Variants in NDUFS6 observed in about 807,000 individuals in gnomAD.
The protein encoded by NDUFS6 is NADH:ubiquinone oxidoreductase subunit S6.
In NDUFS6, 14 loss-of-function variants were observed where a neutral mutation model predicts 13.2. That is an observed-to-expected ratio of 1.06 (90% CI 0.70 to 1.66). NDUFS6 has a LOEUF of 1.66. Ranked by LOEUF, NDUFS6 falls within the 40% of genes most tolerant of loss-of-function variation. The pLI, the probability that NDUFS6 is intolerant of heterozygous loss-of-function variation, is 0.00. For missense variants in NDUFS6, 206 were observed against 170.8 expected, an observed-to-expected ratio of 1.21 and a Z score of -1.15; for synonymous variants, 95 against 72.3, an observed-to-expected ratio of 1.31 and a Z score of -1.60.
At chr5:1,807,367 G>A (rs193199272) in intron 2 of NDUFS6, among the ~76,000 whole-genome samples, 44 of 152,282 alleles carry the variant, frequency 2.9e-4, no homozygotes, top group African/African-American at 1.1e-3. Flanking sequence ...TGGTGGTGAT[G>A]GTTGCACAAT....
chr5:1,809,097 G>T (rs376686629), intron 2 of NDUFS6, among the ~76,000 whole-genome samples: 186 of 152,252 alleles, frequency 1.2e-3, no homozygotes, highest in African/African-American at 4.1e-3. Context: ...GACTCCTAAA[G>T]ATTTAAACCT....
rs148259176 is a variant in NDUFS6, at chr5:1,809,828, C to A, written c.187-4511C>A. Among the ~76,000 whole-genome samples the A allele has an allele frequency of 3.4e-3, 512 of 152,362 alleles. 1 individual carries two copies. Among genetic ancestry groups the A allele is most frequent in the African/African-American group, 0.012 (489 of 41,594 alleles). On this transcript the variant is annotated intron_variant, in intron 2 of 3. Coordinates refer to ENST00000274137, the MANE Select transcript of NDUFS6 (RefSeq NM_004553.6). ...CAGAGCCCTCTGTAAGGCGCTGCGA[C>A]AAGGCGAGCCGCCGGGCCGGCAGCA...
chr5:1,811,279 G>C (rs922196542), intron 2 of NDUFS6, among the ~76,000 whole-genome samples: 1 of 152,056 alleles, frequency 6.6e-6, no homozygotes, highest in African/African-American at 2.4e-5. Context: ...GTTGGGGGTG[G>C]TTCCCCCAAC....
At chr5:1,805,691 T>A (rs1734111989) in intron 2 of NDUFS6, among the ~76,000 whole-genome samples, 1 of 152,258 alleles carries the variant, frequency 6.6e-6, no homozygotes, top group Non-Finnish European at 1.5e-5. Flanking sequence ...ATATTTTCAT[T>A]GCTTTATAGT....
intron 2 of NDUFS6, among the ~76,000 whole-genome samples, chr5:1,813,822 C>T (rs116509376): frequency 0.011 from 1,641 of 152,296 alleles, 35 homozygotes; most frequent in African/African-American, 0.037. Context: ...AGGGGAAAGC[C>T]GGAAGGACAT....
At chr5:1,810,403 C>T (rs1358713792) in intron 2 of NDUFS6, among the ~76,000 whole-genome samples, 3 of 152,186 alleles carry the variant, frequency 2.0e-5, no homozygotes, top group Non-Finnish European at 4.4e-5. Context: ...CTTCCCATAG[C>T]TTCCCGGTTC....
intron 2 of NDUFS6, among the ~76,000 whole-genome samples, chr5:1,807,203 C>CTCAGAGGTACCGCGTGAGGT (rs1270445424): frequency 3.7e-4 from 3 of 8,162 alleles, no homozygotes; most frequent in African/African-American, 9.8e-4. Context: ...ACTGTGTGAA[C>CTCAGAGGTACCGCGTGAGGT]ACTGTGTGAT....
intron 2 of NDUFS6, among the ~76,000 whole-genome samples, chr5:1,808,260 G>A (rs1390465126): frequency 1.3e-5 from 2 of 152,188 alleles, no homozygotes; most frequent in East Asian, 3.9e-4. Context: ...TGCGATGTGC[G>A]CCATGGCTGC....
At position 1,814,243 on chromosome 5, in the gene NDUFS6, G is replaced by T. The variant is rs569492993; in HGVS notation, c.187-96G>T. 1 of 1,532,906 alleles carries T rather than the reference G, an allele frequency of 6.5e-7. No individual in the cohort carries two copies. Among genetic ancestry groups the T allele is most frequent in the Non-Finnish European group, 9.0e-7 (1 of 1,108,722 alleles). 95.0% of individuals were successfully genotyped at this position (1,532,906 alleles called of 1,614,324 possible). A position where few individuals can be genotyped will look rare whatever the true frequency, so the allele number is the denominator to read the frequency against. On this transcript the variant is annotated intron_variant, in intron 2 of 3. Transcript: ENST00000274137. This position sits in a 1 kb window ranked among gnomAD's most constrained non-coding sequence, Gnocchi z 4.9. ...TAAATGAAGCATGCACCATAGATTC[G>T]TGCTGATGGTACATGAATTTGTGTG...
intron 2 of NDUFS6, among the ~76,000 whole-genome samples, chr5:1,803,622 G>A (rs1734082121): frequency 6.6e-6 from 1 of 152,216 alleles, no homozygotes; most frequent in South Asian, 2.1e-4. Flanking sequence ...GTCAGTTGTC[G>A]AGTAAGTGGT....
chr5:1,812,771 G>GGCTGA (rs1734238472), intron 2 of NDUFS6, among the ~76,000 whole-genome samples: 1 of 151,450 alleles, frequency 6.6e-6, no homozygotes, highest in Admixed American at 6.6e-5. Context: ...GGTGTGTGTA[G>GGCTGA]GCCAGGCTCA....
At chr5:1,811,276 G>A (rs144986680) in intron 2 of NDUFS6, among the ~76,000 whole-genome samples, 50 of 152,272 alleles carry the variant, frequency 3.3e-4, no homozygotes, top group African/African-American at 1.1e-3. Flanking sequence ...TGTGTTGGGG[G>A]TGGTTCCCCC....
At chr5:1,812,727 A>T (rs933198293) in intron 2 of NDUFS6, among the ~76,000 whole-genome samples, 4 of 151,290 alleles carry the variant, frequency 2.6e-5, no homozygotes, top group Non-Finnish European at 4.4e-5. Flanking sequence ...CATTGCCCTG[A>T]GTTAATCATG....
intron 2 of NDUFS6, among the ~76,000 whole-genome samples, chr5:1,809,242 C>T (rs1007906568): frequency 6.6e-5 from 10 of 152,336 alleles, no homozygotes; most frequent in East Asian, 3.9e-4. Context: ...GTGCCGTGTG[C>T]TTAACAAGAG....
intron 2 of NDUFS6, among the ~76,000 whole-genome samples, chr5:1,810,172 C>T (rs1343557632): frequency 1.3e-5 from 2 of 152,234 alleles, no homozygotes; most frequent in East Asian, 1.9e-4. Flanking sequence ...TGCTTCCACT[C>T]TGGGGCGGGG....
intron 1 of NDUFS6, 87 bp downstream of exon 1, chr5:1,801,636 C>T: frequency 6.0e-6 from 9 of 1,497,784 alleles, no homozygotes; most frequent in South Asian, 1.2e-5. Context: ...ATCCGCGGCC[C>T]TGGTTCTGCG....
rs116749680 is a variant in NDUFS6 at position 1,807,811 on chromosome 5, G to A, written c.186+5437G>A. The stretch of plus-strand genomic sequence containing the variant: ...GTGCACACACACACTGTTGGTCACA[G>A]GAGGGATGCCACCAGAGAGCTGAGA... On this transcript the variant is annotated intron_variant, in intron 2 of 3. Coordinates refer to ENST00000274137, the MANE Select transcript of NDUFS6 (RefSeq NM_004553.6). Among the ~76,000 whole-genome samples, 454 of 152,366 alleles carry A rather than the reference G, an allele frequency of 3.0e-3. 5 individuals carry two copies. Among genetic ancestry groups the A allele is most frequent in the African/African-American group, 0.011 (439 of 41,572 alleles).
intron 2 of NDUFS6, among the ~76,000 whole-genome samples, chr5:1,804,141 G>A (rs1490502390): frequency 6.6e-6 from 1 of 152,164 alleles, no homozygotes; most frequent in Non-Finnish European, 1.5e-5. Flanking sequence ...GTTATGGCAC[G>A]GTCGTGGGGG....
intron 2 of NDUFS6, among the ~76,000 whole-genome samples, chr5:1,805,115 G>C (rs1734103823): frequency 6.6e-6 from 1 of 152,190 alleles, no homozygotes; most frequent in Admixed American, 6.5e-5. Flanking sequence ...CTGATCACTT[G>C]AGCCCAGGCG....
Sources: allele counts gnomAD v4.1 joint callset (sites outside exome capture counted in the v4.1 genomes callset), GRCh38; gene constraint gnomAD v4.1.1; non-coding constraint Gnocchi (gnomAD v3.1); transcripts MANE v1.5; gene names NCBI Gene and HGNC (gene_info 2026-07-23, HGNC 2026-07-21).